The following DNAJC1 variants were observed in gnomAD, a reference collection of about 807,000 sequenced individuals.
The protein encoded by DNAJC1 is DnaJ heat shock protein family (Hsp40) member C1.
DNAJC1 carries 58 observed loss-of-function variants against 76.6 expected under a neutral mutation model. The ratio of observed to expected loss-of-function variants is 0.76; its 90% CI spans 0.61 to 0.94. The LOEUF is 0.94. Ranked by LOEUF, DNAJC1 falls within the 40% of genes least tolerant of loss-of-function variation. The pLI, the probability that DNAJC1 is intolerant of heterozygous loss-of-function variation, is 0.00. For missense variants in DNAJC1, 689 were observed against 677.3 expected (o/e 1.02, Z -0.19); for synonymous variants, 258 against 267.9 (o/e 0.96, Z 0.36).
intron 10 of DNAJC1, among the ~76,000 whole-genome samples, 155 bp from the exon 11 acceptor site, chr10:21,759,773 G>A (rs544889576): frequency 6.6e-6 from 1 of 152,322 alleles, no homozygotes; most frequent in Non-Finnish European, 1.5e-5. Context: ...TAGAAAGATA[G>A]GGATCATTAC....
intron 1 of DNAJC1, among the ~76,000 whole-genome samples, chr10:21,948,364 G>T (rs1427381850): frequency 6.6e-6 from 1 of 152,068 alleles, no homozygotes; most frequent in Non-Finnish European, 1.5e-5. Flanking sequence ...AATAATTTTA[G>T]GAGCAAAGTA....
chr10:21,879,913 C>T (rs1836246106), intron 8 of DNAJC1, among the ~76,000 whole-genome samples: 1 of 152,148 alleles, frequency 6.6e-6, no homozygotes, highest in Non-Finnish European at 1.5e-5. Flanking sequence ...AAGTTTGATG[C>T]ATTAAGTCTT....
intron 8 of DNAJC1, among the ~76,000 whole-genome samples, chr10:21,827,657 T>G (rs1403915651): frequency 6.6e-6 from 1 of 152,222 alleles, no homozygotes; most frequent in African/African-American, 2.4e-5. Flanking sequence ...TCTGTGTGAC[T>G]TCTCTTTTTA....
chr10:21,972,337 G>C (rs765983440), intron 1 of DNAJC1, among the ~76,000 whole-genome samples: 4 of 151,838 alleles, frequency 2.6e-5, no homozygotes, highest in Non-Finnish European at 5.9e-5. Flanking sequence ...CTCAGGTAGG[G>C]ATCAAGAAAG....
intron 9 of DNAJC1, among the ~76,000 whole-genome samples, chr10:21,781,976 G>T (rs11498366): frequency 0.063 from 9,510 of 150,552 alleles, 963 homozygotes; most frequent in African/African-American, 0.22. Flanking sequence ...CCCTACCACT[G>T]CAAAACACTA....
At chr10:21,791,325 A>G (rs1174313354) in intron 9 of DNAJC1, among the ~76,000 whole-genome samples, 1 of 152,240 alleles carries the variant, frequency 6.6e-6, no homozygotes, top group East Asian at 1.9e-4. Flanking sequence ...AGCAGTGGAC[A>G]GATCATTCAG....
In DNAJC1 at chr10:21,759,410, C is replaced by T. The variant is rs1157272792; in HGVS notation, c.1356G>A (p.Glu452=). The T allele has an allele frequency of 6.2e-7, 1 of 1,614,186 alleles. No individual in the cohort carries two copies. The highest frequency in any genetic ancestry group is 8.5e-7 in the Non-Finnish European group (1 of 1,180,044). ...PRRRKPARLL[E]ATAKPEPEEK... is the part of the protein sequence containing the mutation. ...CCTCTGGCTCCGGCTTCGCTGTAGC[C>T]TCCAGCAGCCTGGCTGGCTTCCGCC... The change falls in exon 11 of 12, where the codon GAG becomes GAA. Residue 452 remains glutamate (E), a synonymous_variant. Transcript: ENST00000376980.
chr10:21,770,799 C>A (rs2131621271), intron 9 of DNAJC1, among the ~76,000 whole-genome samples: 1 of 152,222 alleles, frequency 6.6e-6, no homozygotes, highest in South Asian at 2.1e-4. Flanking sequence ...TTTTCACTTT[C>A]TTGATGGTGT....
At chr10:21,854,350 T>TAAA (rs56109403) in intron 8 of DNAJC1, among the ~76,000 whole-genome samples, 17 of 131,248 alleles carry the variant, frequency 1.3e-4, no homozygotes, top group African/African-American at 3.9e-4. Context: ...TGTGGATCTT[T>TAAA]AAAAAAAAAA....
chr10:21,837,862 G>C (rs1409742747), intron 8 of DNAJC1, among the ~76,000 whole-genome samples: 1 of 148,526 alleles, frequency 6.7e-6, no homozygotes, highest in Admixed American at 6.7e-5. Context: ...GCCCCGTCCG[G>C]GAGGGAGGTG....
chr10:21,915,841 C>A (rs1346274499), intron 6 of DNAJC1, among the ~76,000 whole-genome samples: 2 of 149,140 alleles, frequency 1.3e-5, no homozygotes, highest in African/African-American at 2.5e-5. Flanking sequence ...GTACCCCCAT[C>A]TCCCAAAAAA....
chr10:21,883,295 C>CACACACACA (rs1554893891), intron 7 of DNAJC1, among the ~76,000 whole-genome samples: 67 of 149,902 alleles, frequency 4.5e-4, no homozygotes, highest in South Asian at 6.3e-4. Context: ...CACACACACA[C>CACACACACA]CATTTTAACT....
At chr10:21,947,561 G>T (rs927186468) in intron 1 of DNAJC1, among the ~76,000 whole-genome samples, 2 of 152,146 alleles carry the variant, frequency 1.3e-5, no homozygotes, top group African/African-American at 4.8e-5. Flanking sequence ...TACAGTATAT[G>T]ATACATATAA....
intron 6 of DNAJC1, among the ~76,000 whole-genome samples, chr10:21,906,464 C>T (rs1836747515): frequency 6.6e-6 from 1 of 152,042 alleles, no homozygotes; most frequent in Non-Finnish European, 1.5e-5. Flanking sequence ...CTTCTTTCCA[C>T]AGAGTAGGTT....
intron 1 of DNAJC1, 46 bp from the exon 2 acceptor site, chr10:21,929,187 G>T: frequency 7.4e-7 from 1 of 1,360,082 alleles, no homozygotes. Flanking sequence ...AACTTTGTCA[G>T]AAAAAGAAAT....
At chr10:21,778,305 C>T (rs1408956254) in intron 9 of DNAJC1, among the ~76,000 whole-genome samples, 3 of 152,182 alleles carry the variant, frequency 2.0e-5, no homozygotes, top group Non-Finnish European at 4.4e-5. Flanking sequence ...AGGCAGGTTT[C>T]CTTTTAAATA....
chr10:21,795,584 A>G (rs1834742312), intron 9 of DNAJC1, among the ~76,000 whole-genome samples: 1 of 152,196 alleles, frequency 6.6e-6, no homozygotes, highest in South Asian at 2.1e-4. Context: ...TTGAGGGAAC[A>G]CTTCGGGTGA....
intron 1 of DNAJC1, among the ~76,000 whole-genome samples, chr10:21,961,794 T>C (rs1463636267): frequency 6.6e-6 from 1 of 152,200 alleles, no homozygotes; most frequent in Non-Finnish European, 1.5e-5. Flanking sequence ...CATCACATCC[T>C]CCAAAGTCTT....
At chr10:21,938,510 G>A (rs1837351457) in intron 1 of DNAJC1, among the ~76,000 whole-genome samples, 1 of 152,102 alleles carries the variant, frequency 6.6e-6, no homozygotes, top group Non-Finnish European at 1.5e-5. Flanking sequence ...TTTCTGTAAA[G>A]GGACAGACAG....
Sources: gnomAD v4.1 joint callset for allele counts (sites outside exome capture counted in the v4.1 genomes callset) on GRCh38, gnomAD v4.1.1 for gene constraint, MANE v1.5 for transcripts, NCBI Gene and HGNC (gene_info 2026-07-23, HGNC 2026-07-21) for gene names.